The following TMEM200C variants were observed in gnomAD, a reference collection of about 807,000 sequenced individuals.
The protein encoded by TMEM200C is transmembrane protein 200C.
For synonymous variants in TMEM200C, 462 were observed against 324.7 expected, an observed-to-expected ratio of 1.42 and a Z score of -4.55; for missense variants, 966 against 699.9, an observed-to-expected ratio of 1.38 and a Z score of -4.29.
chr18:5,890,907 C>T (rs1444465195), exon 3 of TMEM200C: 2 of 682,694 alleles, frequency 2.9e-6, no homozygotes, highest in Non-Finnish European at 5.3e-6. Flanking sequence ...ATCGCGGCCC[C>T]CTTGCAAGGG....
chr18:5,890,291 C>T (rs1599525521), exon 3 of TMEM200C: 1 of 1,599,718 alleles, frequency 6.3e-7, no homozygotes, highest in East Asian at 2.3e-5. Flanking sequence ...ACTGCCTCTG[C>T]ACCGGCTGAG....
At chr18:5,895,560 G>GCGCCCC (rs1210772886) in intron 1 of TMEM200C, 38 bp from the exon 1 acceptor site, 9 of 145,230 alleles carry the variant, frequency 6.2e-5, no homozygotes, top group East Asian at 6.2e-4. Context: ...GAGTCGGGGG[G>GCGCCCC]CGCCCCCGCC....
exon 3 of TMEM200C, chr18:5,886,951 C>G (rs1204034225): frequency 1.3e-5 from 2 of 152,146 alleles, no homozygotes; most frequent in Non-Finnish European, 2.9e-5. Context: ...ATAATACTCT[C>G]TATGTTCCAA....
At chr18:5,890,066 T>G in exon 3 of TMEM200C, 4 of 836,908 alleles carry the variant, frequency 4.8e-6, no homozygotes, top group African/African-American at 1.7e-5. Flanking sequence ...AAGGATAACA[T>G]TCTGCAGCTC....
At chr18:5,885,217 C>G (rs1180284108) in exon 3 of TMEM200C, 2 of 152,026 alleles carry the variant, frequency 1.3e-5, no homozygotes, top group Non-Finnish European at 2.9e-5. Context: ...TCTTCCACCC[C>G]TGGGCCTGCC....
exon 3 of TMEM200C, chr18:5,884,184 T>C (rs1265896798): frequency 2.6e-5 from 4 of 152,124 alleles, no homozygotes; most frequent in African/African-American, 4.8e-5. Context: ...GTTTGTTTTG[T>C]TTTTGTTGTT....
exon 3 of TMEM200C, chr18:5,887,708 A>C (rs2144438197): frequency 6.6e-6 from 1 of 152,350 alleles, no homozygotes; most frequent in East Asian, 1.9e-4. Flanking sequence ...CTCCTACAAT[A>C]GTACTGAACC....
At chr18:5,884,678 T>C (rs916788046) in exon 3 of TMEM200C, 6 of 152,182 alleles carry the variant, frequency 3.9e-5, no homozygotes, top group Admixed American at 2.0e-4. Flanking sequence ...AGGTGTTTTT[T>C]AGGTTGTGTC....
rs2095170980 is a variant in TMEM200C at position 5,891,442 on chromosome 18, T to C, written c.622A>G (p.Ile208Val). ...TTGGCGCGGAGGCTGTGCACGTCGA[T>C]GACGGTGGAGTAGAGGTCCCGCAGG... Residue 208 changes from isoleucine to valine, a missense_variant, in exon 3 of 3, where the codon ATC becomes GTC. Coordinates refer to ENST00000581347, the Ensembl canonical transcript of TMEM200C. This position sits in a 1 kb window ranked among gnomAD's most constrained non-coding sequence, Gnocchi z 4.7. 6.4e-7 allele frequency: 1 copy of C among 1,552,924 alleles called. No individual in the cohort carries two copies. Among genetic ancestry groups the C allele is most frequent in the African/African-American group, 1.4e-5 (1 of 73,082 alleles).
chr18:5,890,005 T>A (rs1173988367), exon 3 of TMEM200C: 7 of 385,200 alleles, frequency 1.8e-5, no homozygotes, highest in East Asian at 8.2e-5. Context: ...CTAGTTTGCT[T>A]AAAAAAAAAA....
chr18:5,892,213 A>C, intron 2 of TMEM200C, 56 bp from the exon 2 acceptor site: 5 of 750,976 alleles, frequency 6.7e-6, no homozygotes, highest in Non-Finnish European at 1.1e-5. Context: ...GTGACATCTC[A>C]CGCTGCAGCT....
In TMEM200C at chr18:5,891,969, T is replaced by C. The variant is rs997534987; in HGVS notation, c.95A>G (p.Lys32Arg). The C allele has an allele frequency of 1.9e-6, 3 of 1,613,848 alleles. No homozygotes were observed. The highest frequency in any genetic ancestry group is 1.3e-5 in the African/African-American group (1 of 74,930). The change falls in exon 3 of 3, where the codon AAG (lysine) becomes AGG (arginine). Residue 32 changes from lysine (K) to arginine (R), a missense_variant. By Grantham distance (26) the Lys-to-Arg change is conservative. Transcript: ENST00000581347. The surrounding 1 kb of genome is among the most constrained non-coding windows in gnomAD (Gnocchi z 4.7). ...CACCACGTCGTTCTTGCGCCTCTTC[T>C]TGGCTTTCCGCTTGCGCTTGGGTAT...
chr18:5,885,736 T>G (rs1158573688), exon 3 of TMEM200C: 1 of 152,176 alleles, frequency 6.6e-6, no homozygotes, highest in Non-Finnish European at 1.5e-5. Flanking sequence ...AACATTGAAT[T>G]TTCTTATCAA....
chr18:5,895,362 C>A (rs962733068), exon 2 of TMEM200C: 1 of 151,534 alleles, frequency 6.6e-6, no homozygotes, highest in African/African-American at 2.4e-5. Context: ...CCCGGGCGGG[C>A]CCCTGCGGCC....
At chr18:5,889,414 T>A (rs1389289664) in exon 3 of TMEM200C, 3 of 152,236 alleles carry the variant, frequency 2.0e-5, no homozygotes, top group Admixed American at 2.0e-4. Flanking sequence ...ATATTATGTT[T>A]AACTGTTTGT....
exon 3 of TMEM200C, chr18:5,884,318 A>G (rs1032581618): frequency 1.3e-5 from 2 of 152,104 alleles, no homozygotes; most frequent in African/African-American, 4.8e-5. Flanking sequence ...TGCTGGCCCC[A>G]CTGGCCAACA....
chr18:5,883,933 G>C (rs2095163522), exon 3 of TMEM200C: 1 of 152,040 alleles, frequency 6.6e-6, no homozygotes, highest in Non-Finnish European at 1.5e-5. Flanking sequence ...AATCATTCTT[G>C]CTCATAAAGA....
exon 3 of TMEM200C, chr18:5,889,022 G>A (rs538332101): frequency 6.6e-6 from 1 of 152,296 alleles, no homozygotes; most frequent in African/African-American, 2.4e-5. Flanking sequence ...CACTTTTAAT[G>A]ACATCAAGTG....
At chr18:5,889,021 T>C (rs1451000118) in exon 3 of TMEM200C, 1 of 152,232 alleles carries the variant, frequency 6.6e-6, no homozygotes. Flanking sequence ...TCACTTTTAA[T>C]GACATCAAGT....
Sources: gnomAD v4.1 joint callset for allele counts on GRCh38, gnomAD v4.1.1 for gene constraint, Gnocchi (gnomAD v3.1) non-coding constraint, MANE v1.5 for transcripts, NCBI Gene and HGNC (gene_info 2026-07-23, HGNC 2026-07-21) for gene names.